TMEM132B: variants seen among roughly 807,000 people sequenced by gnomAD.
The protein encoded by TMEM132B is transmembrane protein 132B.
Under a neutral mutation model 90.8 loss-of-function variants are expected in TMEM132B, and 18 were observed. The ratio of observed to expected loss-of-function variants is 0.20; its 90% CI spans 0.14 to 0.29. TMEM132B has a LOEUF of 0.29. Ranked by LOEUF, TMEM132B falls within the 10% of genes least tolerant of loss-of-function variation. TMEM132B has a pLI of 1.00. For missense variants in TMEM132B, 1,096 were observed against 1,326.8 expected (o/e 0.83, Z 2.70); for synonymous variants, 504 against 523.3 (o/e 0.96, Z 0.50).
At chr12:125,239,364 GA>G (rs1874011889) in intron 1 of TMEM132B, among the ~76,000 whole-genome samples, 1 of 152,194 alleles carries the variant, frequency 6.6e-6, no homozygotes. Context: ...GCAGGCAACA[GA>G]AACTTAAGTC....
chr12:125,522,991 C>T (rs1045225547), intron 4 of TMEM132B, among the ~76,000 whole-genome samples: 1 of 152,176 alleles, frequency 6.6e-6, no homozygotes, highest in Non-Finnish European at 1.5e-5. Context: ...GGATTTCAAG[C>T]TCCCTGATGA....
At chr12:125,286,592 A>G (rs1320928480) in intron 1 of TMEM132B, among the ~76,000 whole-genome samples, 1 of 152,054 alleles carries the variant, frequency 6.6e-6, no homozygotes, top group Non-Finnish European at 1.5e-5. Context: ...AACAACAGAG[A>G]TAAATTATTT....
intron 5 of TMEM132B, 77 bp from the exon 6 acceptor site, chr12:125,643,999 A>G: frequency 7.5e-7 from 1 of 1,338,496 alleles, no homozygotes; most frequent in Admixed American, 1.8e-5. Context: ...GCTGCAGTTC[A>G]TGAACTTTCA....
rs1887114942 is a variant in TMEM132B at position 125,658,171 on chromosome 12, A to G, written c.*3461A>G. The G allele has an allele frequency of 6.6e-6, 1 of 152,236 alleles. No homozygotes were observed. Among genetic ancestry groups the G allele is most frequent in the Non-Finnish European group, 1.5e-5 (1 of 68,042 alleles). 9.4% of individuals were successfully genotyped at this position (152,236 alleles called of 1,614,324 possible). A position where few individuals can be genotyped will look rare whatever the true frequency, so the allele number is the denominator to read the frequency against. On this transcript the variant is annotated 3_prime_UTR_variant, in exon 9 of 9. Coordinates refer to ENST00000682704, the MANE Select transcript of TMEM132B (RefSeq NM_001366854.1). ...GACTATAATAATCCTGACTATGTAG[A>G]CGGAAGTTTCTATTTATAAAGTCAT... is the stretch of plus-strand genomic sequence containing the variant.
At chr12:125,515,246 TCACACA>T (rs144097093) in intron 3 of TMEM132B, among the ~76,000 whole-genome samples, 2 of 150,654 alleles carry the variant, frequency 1.3e-5, no homozygotes, top group Non-Finnish European at 3.0e-5. Flanking sequence ...ACATGCATTC[TCACACA>T]CACACATTCA....
chr12:125,656,931 A>G lies in TMEM132B; in HGVS notation c.*2221A>G, dbSNP rs1887079631. On this transcript the variant is annotated 3_prime_UTR_variant, in exon 9 of 9. Coordinates refer to ENST00000682704, the MANE Select transcript of TMEM132B (RefSeq NM_001366854.1). ...AGGAAATCTCTTACACACATACAGC[A>G]GGGTCCTGCCCACTGGTAAAGTGAG... 1 of 152,240 alleles carries G rather than the reference A, an allele frequency of 6.6e-6. No homozygotes were observed. The highest frequency in any genetic ancestry group is 2.4e-5 in the African/African-American group (1 of 41,460). 9.4% of individuals were successfully genotyped at this position (152,240 alleles called of 1,614,324 possible).
intron 1 of TMEM132B, among the ~76,000 whole-genome samples, chr12:125,266,884 A>G (rs540053607): frequency 3.9e-5 from 6 of 152,326 alleles, no homozygotes; most frequent in Admixed American, 1.3e-4. Flanking sequence ...AATGTGTCCC[A>G]TGGCACTCTG....
rs1874201364 is a variant in TMEM132B, at chr12:125,246,094, C to T, written c.67+59228C>T. Among the ~76,000 whole-genome samples, 1 of 152,216 alleles carries T rather than the reference C, an allele frequency of 6.6e-6. No individual in the cohort carries two copies. The highest frequency in any genetic ancestry group is 1.5e-5 in the Non-Finnish European group (1 of 68,046). ...CTGACCAGTGGGGATTGATCTGGGCCCTGGCAGTGACTGGCGCTGCCTCTC... is the reference window on the plus strand; with the variant it reads ...CTGACCAGTGGGGATTGATCTGGGCTCTGGCAGTGACTGGCGCTGCCTCTC... On this transcript the variant is annotated intron_variant, in intron 1 of 8. Coordinates refer to ENST00000682704, the MANE Select transcript of TMEM132B (RefSeq NM_001366854.1). The surrounding 1 kb of genome is among the most constrained non-coding windows in gnomAD (Gnocchi z 4.2).
At chr12:125,637,303 AAC>A (rs1886509167) in intron 5 of TMEM132B, among the ~76,000 whole-genome samples, 1 of 152,216 alleles carries the variant, frequency 6.6e-6, no homozygotes, top group Non-Finnish European at 1.5e-5. Context: ...GAGGATACTC[AAC>A]ATAGAGAGCG....
chr12:125,593,038 G>A (rs1885354724), intron 5 of TMEM132B, among the ~76,000 whole-genome samples: 1 of 152,138 alleles, frequency 6.6e-6, no homozygotes, highest in Admixed American at 6.5e-5. Context: ...CTTTAGCAAC[G>A]CTTGACAAAA....
chr12:125,282,009 C>T lies in TMEM132B; in HGVS notation c.68-67443C>T, dbSNP rs1395116453. On this transcript the variant is annotated intron_variant, in intron 1 of 8. Coordinates refer to ENST00000682704, the MANE Select transcript of TMEM132B (RefSeq NM_001366854.1). ...CGCCATTGCACTCCAGCCTGGCCAA[C>T]ACAGGGAGACTCCGTCTCAAAAAAA... is the stretch of plus-strand genomic sequence containing the variant. Among the ~76,000 whole-genome samples the T allele has an allele frequency of 5.3e-5, 6 of 112,330 alleles. No individual in the cohort carries two copies. The Admixed American group carries it at 6.0e-4, about 11-fold the overall frequency. The allele number at this position is 112,330 out of a possible 152,430, so 73.7% of individuals were successfully genotyped here.
intron 1 of TMEM132B, among the ~76,000 whole-genome samples, chr12:125,254,930 C>G (rs1874401318): frequency 1.3e-5 from 2 of 152,118 alleles, no homozygotes; most frequent in Non-Finnish European, 2.9e-5. Flanking sequence ...GGCAATCCAC[C>G]CGCCTCAGCC....
chr12:125,432,526 T>TAG lies in TMEM132B; in HGVS notation c.1106+16850_1106+16851insGA, dbSNP rs1257848953. On this transcript the variant is annotated intron_variant, in intron 3 of 8. Transcript: ENST00000682704. Reference sequence around the variant, plus strand: ...ATGTGTGTGTGTATATATATATATATATAGAGAGAGAGAGAGAGAGAGAGA... The same window carrying TAG: ...ATGTGTGTGTGTATATATATATATATAGATAGAGAGAGAGAGAGAGAGAGAGA... Among the ~76,000 whole-genome samples, 27 of 58,418 alleles carry TAG rather than the reference T, an allele frequency of 4.6e-4. 6 individuals carry two copies. Among genetic ancestry groups the TAG allele is most frequent in the African/African-American group, 1.9e-3 (23 of 12,026 alleles). The allele number at this position is 58,418 out of a possible 152,430, so 38.3% of individuals were successfully genotyped here.
intron 4 of TMEM132B, among the ~76,000 whole-genome samples, chr12:125,527,340 T>C (rs1448794988): frequency 2.0e-5 from 2 of 101,154 alleles, no homozygotes; most frequent in Non-Finnish European, 4.0e-5. Flanking sequence ...CATCCACCCT[T>C]CCATCCACCC....
Position 125,209,208 on chromosome 12 carries a change from C to G in TMEM132B, c.67+22342C>G, listed in dbSNP as rs1464033145. Among the ~76,000 whole-genome samples, 2 of 152,176 alleles carry G rather than the reference C, an allele frequency of 1.3e-5. No homozygotes were observed. Among genetic ancestry groups the G allele is most frequent in the Admixed American group, 6.5e-5 (1 of 15,284 alleles). On this transcript the variant is annotated intron_variant, in intron 1 of 8. Transcript: ENST00000682704. The surrounding 1 kb of genome is among the most constrained non-coding windows in gnomAD (Gnocchi z 4.4). Reference sequence around the variant, plus strand: ...AAGAAAAGGGGAAGCCTCTGGCCAGCCTGAGCCTGGGTGCACACGAGGGCC... The same window carrying G: ...AAGAAAAGGGGAAGCCTCTGGCCAGGCTGAGCCTGGGTGCACACGAGGGCC...
intron 5 of TMEM132B, among the ~76,000 whole-genome samples, chr12:125,641,009 T>G (rs1289013253): frequency 2.0e-5 from 3 of 152,260 alleles, no homozygotes; most frequent in Non-Finnish European, 4.4e-5. Context: ...AGTTTGGAAG[T>G]GTTAGGTGAC....
chr12:125,327,071 T>C (rs1012344838), intron 1 of TMEM132B, among the ~76,000 whole-genome samples: 13 of 151,782 alleles, frequency 8.6e-5, no homozygotes, highest in African/African-American at 3.1e-4. Flanking sequence ...AAAACCTCTC[T>C]CCACCAAAGC....
intron 5 of TMEM132B, chr12:125,587,629 C>T (rs1211576064): frequency 6.6e-6 from 1 of 152,154 alleles, no homozygotes; most frequent in Non-Finnish European, 1.5e-5. Flanking sequence ...GTAGTCTCCA[C>T]CACTCCCTTT....
intron 3 of TMEM132B, among the ~76,000 whole-genome samples, chr12:125,517,067 A>G (rs1045102095): frequency 1.3e-5 from 2 of 152,148 alleles, no homozygotes; most frequent in African/African-American, 4.8e-5. Context: ...ACCCAGGTAA[A>G]TAGGGGTCCC....
Sources: gnomAD v4.1 joint callset for allele counts (sites outside exome capture counted in the v4.1 genomes callset) on GRCh38, gnomAD v4.1.1 for gene constraint, Gnocchi (gnomAD v3.1) non-coding constraint, MANE v1.5 for transcripts, NCBI Gene and HGNC (gene_info 2026-07-23, HGNC 2026-07-21) for gene names.